ADPRM: variants seen among roughly 807,000 people sequenced by gnomAD.
ADPRM encodes the protein manganese-dependent ADP-ribose/CDP-alcohol diphosphatase.
Under a neutral mutation model 27.2 loss-of-function variants are expected in ADPRM, and 17 were observed. That is an observed-to-expected ratio of 0.63 (90% CI 0.43 to 0.94). The LOEUF (loss-of-function observed/expected upper bound fraction) is 0.94. Ranked by LOEUF, ADPRM falls within the 40% of genes least tolerant of loss-of-function variation. The probability of loss-of-function intolerance (pLI) is 0.00; values close to 1 mark genes in which losing one functional copy is unlikely to be tolerated. For missense variants in ADPRM, 337 were observed against 412.8 expected (o/e 0.82, Z 1.59); for synonymous variants, 135 against 145.3 (o/e 0.93, Z 0.51).
At chr17:10,704,560 G>A (rs1383515757) in intron 1 of ADPRM, among the ~76,000 whole-genome samples, 2 of 151,692 alleles carry the variant, frequency 1.3e-5, no homozygotes. Context: ...GTATATGTGT[G>A]TGCGTGTGCA....
In ADPRM at chr17:10,697,680, C is replaced by A; in HGVS notation, c.-18+13C>A. On this transcript the variant is annotated intron_variant, in intron 1 of 3. Transcript: ENST00000379774. ...GGGCCGGCGCACGGTAGGTAGTTCC[C>A]TGCGGCTGGAGGCGGGTCTGGCGCG... 2.4e-6 allele frequency: 2 copies of A among 826,632 alleles called. No homozygotes were observed. Among genetic ancestry groups the A allele is most frequent in the East Asian group, 2.7e-5 (1 of 37,438 alleles). The allele number at this position is 826,632 out of a possible 1,614,324, so 51.2% of individuals were successfully genotyped here.
At chr17:10,704,066 G>T (rs1053060055) in intron 1 of ADPRM, among the ~76,000 whole-genome samples, 1 of 152,100 alleles carries the variant, frequency 6.6e-6, no homozygotes, top group African/African-American at 2.4e-5. Flanking sequence ...ATCCAGGGCT[G>T]GGTGTGGTGT....
In ADPRM at chr17:10,710,966, A is replaced by T; in HGVS notation, c.851A>T (p.Tyr284Phe). 6.2e-7 allele frequency: 1 copy of T among 1,614,070 alleles called. No homozygotes were observed. Among genetic ancestry groups the T allele is most frequent in the Non-Finnish European group, 8.5e-7 (1 of 1,180,014 alleles). The change falls in exon 4 of 4, where the codon TAC becomes TTC. Residue 284 changes from tyrosine (Y) to phenylalanine (F), a missense_variant. Physicochemically the swap from Tyr to Phe is conservative, Grantham distance 22. Transcript: ENST00000379774. Reference protein sequence around the residue: ...FFAGHTHDGGYSEDPFGVYHV... With the variant: ...FFAGHTHDGGFSEDPFGVYHV... ...GCTGGTCACACCCATGATGGTGGCTACTCTGAGGATCCTTTTGGTGTATAC... is the reference window on the plus strand; with the variant it reads ...GCTGGTCACACCCATGATGGTGGCTTCTCTGAGGATCCTTTTGGTGTATAC...
chr17:10,697,651 C>G lies in ADPRM; in HGVS notation c.-34C>G. On this transcript the variant is annotated 5_prime_UTR_variant, in exon 1 of 4. Transcript: ENST00000379774. ...AGCCCGTAGTCAGAGGCCTTTCAGC[C>G]CAGGGGCCGGCGCACGGTAGGTAGT... The G allele has an allele frequency of 9.5e-7, 1 of 1,055,734 alleles. No homozygotes were observed. Among genetic ancestry groups the G allele is most frequent in the Non-Finnish European group, 1.4e-6 (1 of 706,788 alleles). The allele number at this position is 1,055,734 out of a possible 1,614,324, so 65.4% of individuals were successfully genotyped here.
intron 1 of ADPRM, 71 bp downstream of exon 1, chr17:10,697,738 G>A: frequency 1.6e-6 from 1 of 614,442 alleles, no homozygotes; most frequent in Non-Finnish European, 2.9e-6. Flanking sequence ...GCGGGACAGC[G>A]GAGCGCCGGG....
rs2074770755 is a variant in ADPRM at position 10,700,691 on chromosome 17, G to A, written c.-18+3024G>A. Among the ~76,000 whole-genome samples the A allele has an allele frequency of 1.3e-5, 2 of 151,146 alleles. 1 individual carries two copies. The highest frequency in any genetic ancestry group is 1.3e-4 in the Admixed American group (2 of 15,186). On this transcript the variant is annotated intron_variant, in intron 1 of 3. Coordinates refer to ENST00000379774, the MANE Select transcript of ADPRM (RefSeq NM_020233.5). ...AATTAGGAGGATCACTTGAGCCCAG[G>A]AAGTCGAGGCTACAGTGAGCCATGA...
intron 1 of ADPRM, among the ~76,000 whole-genome samples, chr17:10,701,096 T>G (rs2074773889): frequency 6.6e-6 from 1 of 152,220 alleles, no homozygotes; most frequent in South Asian, 2.1e-4. Context: ...ACACGAGGAC[T>G]ATAATTCAGT....
intron 2 of ADPRM, among the ~76,000 whole-genome samples, 179 bp from the exon 3 acceptor site, chr17:10,706,259 A>C (rs1037653114): frequency 6.6e-6 from 1 of 152,174 alleles, no homozygotes; most frequent in African/African-American, 2.4e-5. Context: ...CAAGAGTGAG[A>C]TGCAGTGTGA....
chr17:10,705,226 T>G lies in ADPRM; in HGVS notation c.300T>G (p.Leu100=). 6.2e-7 allele frequency: 1 copy of G among 1,614,150 alleles called. No homozygotes were observed. Among genetic ancestry groups the G allele is most frequent in the Non-Finnish European group, 8.5e-7 (1 of 1,180,014 alleles). The stretch of plus-strand genomic sequence containing the variant: ...TTGTTATGGACATGTTCAAGAGGCT[T>G]AAAGTTCCAGTTCATCATACATGGG... ...LELVMDMFKR[L]KVPVHHTWGN... Residue 100 remains leucine, a synonymous_variant, in exon 2 of 4, where the codon CTT becomes CTG. Transcript: ENST00000379774. This position sits in a 1 kb window ranked among gnomAD's most constrained non-coding sequence, Gnocchi z 5.4.
In ADPRM at chr17:10,711,550, C is replaced by T. The variant is rs379403; in HGVS notation, c.*406C>T. On this transcript the variant is annotated 3_prime_UTR_variant, in exon 4 of 4. Transcript: ENST00000379774. ...TGTGTAAATGAGCTTTGGACAATTT[C>T]TGCTCAGAACACCTATACTTGGATT... Among the ~76,000 whole-genome samples, 75,377 of 151,708 alleles carry T rather than the reference C, an allele frequency of 0.5. 19,469 individuals carry two copies. Among genetic ancestry groups the T allele is most frequent in the African/African-American group, 0.65 (26,691 of 41,314 alleles).
chr17:10,711,298 A>C lies in ADPRM; in HGVS notation c.*154A>C. The C allele has an allele frequency of 1.5e-6, 1 of 686,262 alleles. No individual in the cohort carries two copies. Among genetic ancestry groups the C allele is most frequent in the Non-Finnish European group, 2.4e-6 (1 of 420,450 alleles). 42.5% of individuals were successfully genotyped at this position (686,262 alleles called of 1,614,324 possible). The stretch of plus-strand genomic sequence containing the variant: ...GTGATGGTTGATAAAATACTCAGAA[A>C]TGTTATTTTGGATCATGTATCCATT... On this transcript the variant is annotated 3_prime_UTR_variant, in exon 4 of 4. Coordinates refer to ENST00000379774, the MANE Select transcript of ADPRM (RefSeq NM_020233.5).
In ADPRM at chr17:10,705,446, G is replaced by C; in HGVS notation, c.520G>C (p.Asp174His). 6.2e-7 allele frequency: 1 copy of C among 1,614,026 alleles called. No homozygotes were observed. Among genetic ancestry groups the C allele is most frequent in the Non-Finnish European group, 8.5e-7 (1 of 1,180,022 alleles). The change falls in exon 2 of 4, where the codon GAT becomes CAT. Residue 174 changes from aspartate to histidine, a missense_variant. Physicochemically the swap from Asp to His is moderately conservative, Grantham distance 81 (BLOSUM62 -1). Transcript: ENST00000379774. The surrounding 1 kb of genome is among the most constrained non-coding windows in gnomAD (Gnocchi z 5.4). ...ATATGACTTGAGTGTCTTGGGCGTG[G>C]ATCAGTCTTCTCCAAAATACGAGCA... is the stretch of plus-strand genomic sequence containing the variant. ...DAYDLSVLGV[D>H]QSSPKYEQCM...
rs562872939 is a variant in ADPRM, at chr17:10,703,262, C to T, written c.-17-1648C>T. Among the ~76,000 whole-genome samples, 9 of 152,154 alleles carry T rather than the reference C, an allele frequency of 5.9e-5. No homozygotes were observed. The East Asian group carries it at 1.4e-3, about 23-fold the overall frequency. ...TTGTCCTGTAATTGTATTGAAGTTA[C>T]CCACTTTTCAAATCAGATTACCTCT... is the stretch of plus-strand genomic sequence containing the variant. On this transcript the variant is annotated intron_variant, in intron 1 of 3. Transcript: ENST00000379774.
chr17:10,698,104 G>A (rs2074747969), intron 1 of ADPRM: 1 of 152,876 alleles, frequency 6.5e-6, no homozygotes, highest in South Asian at 2.0e-4. Flanking sequence ...AGGGCGGTCT[G>A]GAAGAACTTT....
At chr17:10,700,852 A>C (rs2520155) in intron 1 of ADPRM, among the ~76,000 whole-genome samples, 8,925 of 152,094 alleles carry the variant, frequency 0.059, 868 homozygotes, top group African/African-American at 0.2. Context: ...CATGATAGGA[A>C]TTTTGAGAGC....
At chr17:10,704,076 T>G (rs2074796652) in intron 1 of ADPRM, among the ~76,000 whole-genome samples, 2 of 152,006 alleles carry the variant, frequency 1.3e-5, no homozygotes, top group Non-Finnish European at 2.9e-5. Context: ...GGGTGTGGTG[T>G]CTCTTACCTG....
At chr17:10,706,249 CAA>C (rs942153782) in intron 2 of ADPRM, among the ~76,000 whole-genome samples, 187 bp from the exon 3 acceptor site, 19 of 151,994 alleles carry the variant, frequency 1.3e-4, no homozygotes, top group African/African-American at 4.6e-4. Context: ...AGGGGACTGT[CAA>C]GAGTGAGATG....
At chr17:10,707,463 A>G (rs1380946889) in intron 3 of ADPRM, among the ~76,000 whole-genome samples, 1 of 152,344 alleles carries the variant, frequency 6.6e-6, no homozygotes, top group East Asian at 1.9e-4. Flanking sequence ...TCCAGGTTGC[A>G]ATCAGCTTAT....
chr17:10,709,840 A>C (rs1393751904), intron 3 of ADPRM, among the ~76,000 whole-genome samples: 1 of 152,250 alleles, frequency 6.6e-6, no homozygotes, highest in Non-Finnish European at 1.5e-5. Flanking sequence ...CGTGAGCTGT[A>C]CTTCAGAGTG....
Sources: allele counts gnomAD v4.1 joint callset (sites outside exome capture counted in the v4.1 genomes callset), GRCh38; gene constraint gnomAD v4.1.1; non-coding constraint Gnocchi (gnomAD v3.1); transcripts MANE v1.5; gene names NCBI Gene and HGNC (gene_info 2026-07-23, HGNC 2026-07-21).